Variants in ARFGEF2 observed in about 807,000 individuals in gnomAD.
The protein encoded by ARFGEF2 is brefeldin A-inhibited guanine nucleotide-exchange protein 2.
In ARFGEF2, 74 loss-of-function variants were observed where a neutral mutation model predicts 219.9. The ratio of observed to expected loss-of-function variants is 0.34; its 90% confidence interval spans 0.28 to 0.41. The LOEUF (loss-of-function observed/expected upper bound fraction) is 0.41. Ranked by LOEUF, ARFGEF2 falls within the 10% of genes least tolerant of loss-of-function variation. The pLI, the probability that ARFGEF2 is intolerant of heterozygous loss-of-function variation, is 1.00. For synonymous variants in ARFGEF2, 733 were observed against 799.2 expected (o/e 0.92, Z 1.40); for missense variants, 1,743 against 2,218.3 (o/e 0.79, Z 4.30).
chr20:48,976,649 A>G (rs1292762180), intron 14 of ARFGEF2, among the ~76,000 whole-genome samples: 1 of 152,094 alleles, frequency 6.6e-6, no homozygotes, highest in African/African-American at 2.4e-5. Context: ...TCTACTAAAA[A>G]TACAAAAAAT....
chr20:48,979,511 CCT>C (rs1229249032), intron 14 of ARFGEF2, among the ~76,000 whole-genome samples: 1 of 152,046 alleles, frequency 6.6e-6, no homozygotes, highest in Non-Finnish European at 1.5e-5. Context: ...GGGAGGATTC[CCT>C]CTTTTTCTAT....
intron 26 of ARFGEF2, among the ~76,000 whole-genome samples, chr20:49,006,882 T>G (rs2091463647): frequency 6.7e-6 from 1 of 148,422 alleles, no homozygotes; most frequent in Non-Finnish European, 1.5e-5. Flanking sequence ...TGGAGGTTTT[T>G]GTTTTTTTTT....
intron 35 of ARFGEF2, among the ~76,000 whole-genome samples, chr20:49,023,727 A>G (rs1015345663): frequency 6.6e-6 from 1 of 151,192 alleles, no homozygotes; most frequent in Admixed American, 6.6e-5. Flanking sequence ...TTTAGTAGAG[A>G]CGGGGTTTCA....
chr20:48,943,983 G>A (rs2091009585), intron 3 of ARFGEF2, among the ~76,000 whole-genome samples: 1 of 152,258 alleles, frequency 6.6e-6, no homozygotes, highest in South Asian at 2.1e-4. Context: ...GTGGCAGTGA[G>A]CATGCCACAT....
At position 49,010,269 on chromosome 20, in the gene ARFGEF2, G is replaced by T. The variant is rs1055068959; in HGVS notation, c.3622G>T (p.Ala1208Ser). Reference protein sequence around the residue: ...TIRDMAIRCIAQMVNSQAANI... With the variant: ...TIRDMAIRCISQMVNSQAANI... ...CCGGGACATGGCGATCCGCTGCATT[G>T]CCCAGATGGTGAACTCCCAGGCGGC... Residue 1208 changes from alanine (A) to serine (S), a missense_variant, in exon 27 of 39, where the codon GCC becomes TCC. Physicochemically the swap from Ala to Ser is moderately conservative, Grantham distance 99. Transcript: ENST00000371917. 17 of 1,614,086 alleles carry T rather than the reference G, an allele frequency of 1.1e-5. No homozygotes were observed. The highest frequency in any genetic ancestry group is 2.7e-5 in the African/African-American group (2 of 74,936).
rs768462615 is a variant in ARFGEF2, at chr20:48,950,428, AC to A, written c.277-894del. Among the ~76,000 whole-genome samples the A allele has an allele frequency of 9.9e-5, 15 of 152,206 alleles. 1 individual carries two copies. The highest frequency in any genetic ancestry group is 8.3e-4 in the South Asian group (4 of 4,828). The stretch of plus-strand genomic sequence containing the variant: ...AGGTATCTTTCCATTGAAAGAAAAT[AC>A]ATATTCATATATATATATAATTTTA... On this transcript the variant is annotated intron_variant, in intron 3 of 38. Coordinates refer to ENST00000371917, the MANE Select transcript of ARFGEF2 (RefSeq NM_006420.3).
At chr20:48,944,047 T>C (rs933328044) in intron 3 of ARFGEF2, among the ~76,000 whole-genome samples, 1 of 152,236 alleles carries the variant, frequency 6.6e-6, no homozygotes, top group African/African-American at 2.4e-5. Flanking sequence ...CTTTGTTACA[T>C]GTACTTGAGA....
intron 31 of ARFGEF2, 94 bp from the exon 32 acceptor site, chr20:49,017,155 T>G: frequency 1.6e-6 from 2 of 1,277,012 alleles, no homozygotes; most frequent in Admixed American, 1.9e-5. Context: ...ACTCACCAGT[T>G]GCTGTCTCCA....
chr20:48,926,420 C>G (rs1439338537), intron 1 of ARFGEF2, among the ~76,000 whole-genome samples: 1 of 151,798 alleles, frequency 6.6e-6, no homozygotes, highest in Non-Finnish European at 1.5e-5. Context: ...GAGTAAAGAG[C>G]TGGTTACACA....
intron 23 of ARFGEF2, among the ~76,000 whole-genome samples, chr20:48,997,654 C>T (rs913564621): frequency 3.9e-5 from 6 of 152,094 alleles, no homozygotes; most frequent in African/African-American, 7.2e-5. Context: ...TTCCTTGAAC[C>T]GTTCTATACT....
chr20:48,965,765 A>G, intron 7 of ARFGEF2, 107 bp from the exon 8 acceptor site: 1 of 1,407,382 alleles, frequency 7.1e-7, no homozygotes, highest in Admixed American at 1.7e-5. Flanking sequence ...GAAAAGGGGA[A>G]AAAGCAACAG....
chr20:48,960,789 A>G (rs907473476), intron 6 of ARFGEF2, among the ~76,000 whole-genome samples: 7 of 150,246 alleles, frequency 4.7e-5, no homozygotes, highest in African/African-American at 1.7e-4. Context: ...AGCCTATAAA[A>G]TTAATTTTCT....
intron 10 of ARFGEF2, among the ~76,000 whole-genome samples, 158 bp downstream of exon 10, chr20:48,971,512 G>T (rs769486268): frequency 1.3e-5 from 2 of 152,072 alleles, no homozygotes; most frequent in Non-Finnish European, 2.9e-5. Context: ...CTCAGAAGTG[G>T]GCAGGGGCAG....
At chr20:48,991,779 A>T (rs2091358912) in intron 21 of ARFGEF2, among the ~76,000 whole-genome samples, 1 of 152,188 alleles carries the variant, frequency 6.6e-6, no homozygotes, top group African/African-American at 2.4e-5. Context: ...TACTTTTTTT[A>T]AAAAGTATGG....
chr20:48,925,810 C>T lies in ARFGEF2; in HGVS notation c.121+3800C>T, dbSNP rs116406773. On this transcript the variant is annotated intron_variant, in intron 1 of 38. Transcript: ENST00000371917. ...TGAGATCATGCCATTGCACTCCAGC[C>T]GAGACAGCAGGGTGAGACCCTCACA... 5.8e-3 allele frequency among the ~76,000 whole-genome samples: 880 copies of T among 152,110 alleles called. 9 individuals are homozygous for T. The highest frequency in any genetic ancestry group is 0.02 in the African/African-American group (830 of 41,480).
chr20:49,030,885 G>A (rs191471094), intron 37 of ARFGEF2, among the ~76,000 whole-genome samples: 92 of 152,200 alleles, frequency 6.0e-4, no homozygotes, highest in Non-Finnish European at 8.8e-4. Flanking sequence ...CCAGCTACTC[G>A]GGAGGCTGAG....
chr20:48,952,950 C>T (rs1386337757), intron 5 of ARFGEF2, 66 bp downstream of exon 5: 60 of 1,533,726 alleles, frequency 3.9e-5, no homozygotes, highest in Non-Finnish European at 5.2e-5. Flanking sequence ...TCATGTGTGA[C>T]CTTGGTGCCT....
intron 8 of ARFGEF2, among the ~76,000 whole-genome samples, chr20:48,968,393 C>G (rs2091203822): frequency 6.6e-6 from 1 of 151,672 alleles, no homozygotes; most frequent in South Asian, 2.1e-4. Context: ...ACCCGTTTAT[C>G]CTGCAATAGT....
intron 9 of ARFGEF2, among the ~76,000 whole-genome samples, chr20:48,970,589 CA>C (rs1353042153): frequency 1.3e-5 from 2 of 151,390 alleles, no homozygotes; most frequent in Non-Finnish European, 2.9e-5. Context: ...CCAGCCTGGA[CA>C]AAAAGAGCAA....
Sources: allele counts gnomAD v4.1 joint callset (sites outside exome capture counted in the v4.1 genomes callset), GRCh38; gene constraint gnomAD v4.1.1; transcripts MANE v1.5; gene names NCBI Gene and HGNC (gene_info 2026-07-23, HGNC 2026-07-21).